Variants in GALNT7 observed in about 807,000 individuals in gnomAD.
The protein encoded by GALNT7 is polypeptide N-acetylgalactosaminyltransferase 7, also known as N-acetylgalactosaminyltransferase 7.
GALNT7 carries 60 observed loss-of-function variants against 82.1 expected under a neutral mutation model. That is an observed-to-expected ratio of 0.73 (90% CI 0.59 to 0.91). GALNT7 has a LOEUF of 0.91. Ranked by LOEUF, GALNT7 falls within the 40% of genes least tolerant of loss-of-function variation. GALNT7 has a pLI of 0.00. For synonymous variants in GALNT7, 243 were observed against 275.1 expected, an observed-to-expected ratio of 0.88 and a Z score of 1.15; for missense variants, 660 against 804.2, an observed-to-expected ratio of 0.82 and a Z score of 2.17.
At chr4:173,210,820 CT>C (rs1370782000) in intron 1 of GALNT7, among the ~76,000 whole-genome samples, 3 of 152,118 alleles carry the variant, frequency 2.0e-5, no homozygotes, top group Non-Finnish European at 4.4e-5. Context: ...TATTAAATAT[CT>C]TTTGTAGAAG....
chr4:173,280,426 T>G (rs1317270291), intron 2 of GALNT7, among the ~76,000 whole-genome samples: 1 of 152,230 alleles, frequency 6.6e-6, no homozygotes, highest in African/African-American at 2.4e-5. Flanking sequence ...ATCTATTTTT[T>G]AAGTTATTGG....
At chr4:173,300,120 T>C (rs920290927) in intron 6 of GALNT7, among the ~76,000 whole-genome samples, 1 of 152,228 alleles carries the variant, frequency 6.6e-6, no homozygotes, top group African/African-American at 2.4e-5. Flanking sequence ...TTTAAAGATA[T>C]GTTTCCTCAT....
chr4:173,240,960 C>T (rs1561169053), intron 1 of GALNT7, among the ~76,000 whole-genome samples: 1 of 152,016 alleles, frequency 6.6e-6, no homozygotes, highest in Non-Finnish European at 1.5e-5. Flanking sequence ...GGAATTCAGT[C>T]TCCAGAAGGG....
intron 1 of GALNT7, among the ~76,000 whole-genome samples, chr4:173,199,648 G>A (rs1732881033): frequency 6.6e-6 from 1 of 152,146 alleles, no homozygotes; most frequent in Non-Finnish European, 1.5e-5. Context: ...ACCCAGCAAA[G>A]AGATTAAAAC....
At chr4:173,301,583 G>A (rs1736937597) in intron 6 of GALNT7, among the ~76,000 whole-genome samples, 1 of 152,056 alleles carries the variant, frequency 6.6e-6, no homozygotes. Flanking sequence ...CTGTTATTTG[G>A]CGAGCCCCTG....
intron 2 of GALNT7, among the ~76,000 whole-genome samples, chr4:173,250,597 C>T (rs1734812590): frequency 6.6e-6 from 1 of 152,272 alleles, no homozygotes; most frequent in East Asian, 1.9e-4. Context: ...GCAGAAGTCT[C>T]GTTACTGGTC....
At chr4:173,198,452 T>A (rs1360533620) in intron 1 of GALNT7, among the ~76,000 whole-genome samples, 1 of 152,068 alleles carries the variant, frequency 6.6e-6, no homozygotes, top group Non-Finnish European at 1.5e-5. Flanking sequence ...AGTTAATACA[T>A]CTCTATGTGG....
Position 173,322,035 on chromosome 4 carries a change from G to A in GALNT7, c.*318G>A, listed in dbSNP as rs1366955248. 1.1e-5 allele frequency: 2 copies of A among 183,488 alleles called. No homozygotes were observed. Among genetic ancestry groups the A allele is most frequent in the Non-Finnish European group, 2.3e-5 (2 of 86,836 alleles). The allele number at this position is 183,488 out of a possible 1,614,324, so 11.4% of individuals were successfully genotyped here. A position where few individuals can be genotyped will look rare whatever the true frequency, so the allele number is the denominator to read the frequency against. On this transcript the variant is annotated 3_prime_UTR_variant, in exon 12 of 12. Coordinates refer to ENST00000265000, the MANE Select transcript of GALNT7 (RefSeq NM_017423.3). ...AGTTAAAGCATGTTGTCTTCTTTGGGATTACACTCAGGGGTCTGAAAGGCA... is the reference window on the plus strand; with the variant it reads ...AGTTAAAGCATGTTGTCTTCTTTGGAATTACACTCAGGGGTCTGAAAGGCA...
At chr4:173,234,867 G>A (rs1734161104) in intron 1 of GALNT7, among the ~76,000 whole-genome samples, 2 of 151,908 alleles carry the variant, frequency 1.3e-5, no homozygotes, top group African/African-American at 4.8e-5. Context: ...TCCCTGTCTC[G>A]CCATGTGATC....
intron 1 of GALNT7, among the ~76,000 whole-genome samples, chr4:173,185,318 G>C (rs576389133): frequency 6.6e-6 from 1 of 151,986 alleles, no homozygotes; most frequent in South Asian, 2.1e-4. Context: ...TATGTACAGA[G>C]TAAATGGTGC....
At chr4:173,268,881 C>T (rs1433178631) in intron 2 of GALNT7, among the ~76,000 whole-genome samples, 2 of 152,082 alleles carry the variant, frequency 1.3e-5, no homozygotes, top group East Asian at 1.9e-4. Flanking sequence ...AGAACATCCT[C>T]GTGTGCATGC....
At chr4:173,273,381 T>C (rs1357535113) in intron 2 of GALNT7, among the ~76,000 whole-genome samples, 1 of 152,208 alleles carries the variant, frequency 6.6e-6, no homozygotes, top group Admixed American at 6.5e-5. Flanking sequence ...GAAGTCTTTA[T>C]GGAAAACAGC....
At chr4:173,202,396 A>G (rs1166676418) in intron 1 of GALNT7, among the ~76,000 whole-genome samples, 1 of 152,242 alleles carries the variant, frequency 6.6e-6, no homozygotes, top group East Asian at 1.9e-4. Context: ...AGAAGAGCCT[A>G]TGAAGTTGAT....
intron 1 of GALNT7, among the ~76,000 whole-genome samples, chr4:173,200,690 G>A (rs1732917976): frequency 6.6e-6 from 1 of 152,180 alleles, no homozygotes; most frequent in Non-Finnish European, 1.5e-5. Flanking sequence ...GGAGGTGAAT[G>A]TGTCATCATA....
chr4:173,244,692 A>G (rs758476799), intron 1 of GALNT7, among the ~76,000 whole-genome samples: 4 of 152,184 alleles, frequency 2.6e-5, no homozygotes, highest in African/African-American at 4.8e-5. Flanking sequence ...TTCCTATTGT[A>G]ATCTTGTTCA....
intron 2 of GALNT7, among the ~76,000 whole-genome samples, chr4:173,251,967 TA>T (rs1037435452): frequency 6.6e-6 from 1 of 151,980 alleles, no homozygotes; most frequent in African/African-American, 2.4e-5. Context: ...TTCTCCCACT[TA>T]AAAAAAATGA....
At chr4:173,317,037 G>A (rs1737631227) in intron 9 of GALNT7, 2 of 152,258 alleles carry the variant, frequency 1.3e-5, no homozygotes, top group Non-Finnish European at 1.5e-5. Context: ...ATAGTATAGC[G>A]ATTTATAATT....
rs1205553894 is a variant in GALNT7 at position 173,322,058 on chromosome 4, G to A, written c.*341G>A. 6.1e-6 allele frequency: 1 copy of A among 163,240 alleles called. No individual in the cohort carries two copies. Among genetic ancestry groups the A allele is most frequent in the Non-Finnish European group, 1.3e-5 (1 of 74,610 alleles). The allele number at this position is 163,240 out of a possible 1,614,324, so 10.1% of individuals were successfully genotyped here. ...GGGATTACACTCAGGGGTCTGAAAG[G>A]CAGTTTGATTTTTATTTTTAACACA... On this transcript the variant is annotated 3_prime_UTR_variant, in exon 12 of 12. Coordinates refer to ENST00000265000, the MANE Select transcript of GALNT7 (RefSeq NM_017423.3).
chr4:173,246,813 C>T (rs1277672743), intron 1 of GALNT7, among the ~76,000 whole-genome samples: 3 of 152,032 alleles, frequency 2.0e-5, no homozygotes, highest in Non-Finnish European at 4.4e-5. Context: ...AGATTTTGGT[C>T]GGGTGGTGCT....
Sources: allele counts gnomAD v4.1 joint callset (sites outside exome capture counted in the v4.1 genomes callset), GRCh38; gene constraint gnomAD v4.1.1; transcripts MANE v1.5; gene names NCBI Gene and HGNC (gene_info 2026-07-23, HGNC 2026-07-21).